Variants in DCX observed in about 807,000 individuals in gnomAD.
DCX encodes the protein doublecortin.
Under a neutral mutation model 20.9 loss-of-function variants are expected in DCX, and 4 were observed. The observed-to-expected ratio is 0.19, with a 90% confidence interval of 0.09 to 0.44. DCX has a LOEUF of 0.44. DCX is among the 20% of genes least tolerant of loss of function. DCX has a pLI of 0.99. For missense variants in DCX, 133 were observed against 296.9 expected (o/e 0.45, Z 4.06); for synonymous variants, 103 against 111.4 (o/e 0.92, Z 0.47).
intron 6 of DCX, among the ~76,000 whole-genome samples, chrX:111,309,053 C>T (rs746452977): frequency 2.7e-4 from 30 of 111,067 alleles, no homozygotes; most frequent in Non-Finnish European, 4.7e-4. Context: ...AATGGCTGTG[C>T]GATAGAAAAA....
At chrX:111,363,953 C>T (rs774218133) in intron 3 of DCX, among the ~76,000 whole-genome samples, 1 of 112,109 alleles carries the variant, frequency 8.9e-6, no homozygotes, top group Non-Finnish European at 1.9e-5. Context: ...TGCCTTACTA[C>T]ATATCAGGTT....
chrX:111,312,938 G>A (rs2095060902), intron 5 of DCX, among the ~76,000 whole-genome samples: 1 of 111,905 alleles, frequency 8.9e-6, no homozygotes, highest in African/African-American at 3.2e-5. Context: ...GGATCCCTAT[G>A]CAGTGCAAGG....
At chrX:111,391,130 CG>C (rs1926916081) in intron 3 of DCX, among the ~76,000 whole-genome samples, 1 of 110,846 alleles carries the variant, frequency 9.0e-6, no homozygotes, top group Non-Finnish European at 1.9e-5. Flanking sequence ...ATTTTGGAGG[CG>C]GGACCTGGTG....
chrX:111,307,029 T>G (rs931542983), intron 6 of DCX, among the ~76,000 whole-genome samples: 3 of 110,674 alleles, frequency 2.7e-5, no homozygotes, highest in Non-Finnish European at 5.7e-5. Context: ...CGACTGCTAA[T>G]GGGTAAGGGG....
chrX:111,333,150 T>C lies in DCX; in HGVS notation c.709A>G (p.Thr237Ala). Residue 237 changes from threonine to alanine, a missense_variant, in exon 4 of 7, where the codon ACT becomes GCT. Transcript: ENST00000636035. ...TCACCAAAGAAATCATGGAGACAAG[T>C]TACCTATGGAGAAAGCAGAAACACT... is the stretch of plus-strand genomic sequence containing the variant. ...KLYTLDGKQV[T>A]CLHDFFGDDD... 1 of 1,193,464 alleles carries C rather than the reference T, an allele frequency of 8.4e-7. No individual in the cohort carries two copies.
chrX:111,337,236 A>G (rs1476123176), intron 3 of DCX, among the ~76,000 whole-genome samples: 2 of 112,143 alleles, frequency 1.8e-5, no homozygotes, highest in African/African-American at 6.5e-5. Context: ...TGCTGACATC[A>G]GCTTCAGTAT....
At chrX:111,312,441 G>C (rs891707990) in intron 6 of DCX, among the ~76,000 whole-genome samples, 198 bp downstream of exon 6, 9 of 112,111 alleles carry the variant, frequency 8.0e-5, no homozygotes, top group African/African-American at 2.9e-4. Context: ...CAGGAAATAA[G>C]TCAGGAATTG....
chrX:111,360,145 A>G (rs752982953), intron 3 of DCX, among the ~76,000 whole-genome samples: 1 of 112,213 alleles, frequency 8.9e-6, no homozygotes, highest in South Asian at 3.7e-4. Flanking sequence ...TGTTAAAAGA[A>G]TGCAGGGGTT....
chrX:111,381,029 A>C (rs1925926712), intron 3 of DCX, among the ~76,000 whole-genome samples: 1 of 110,713 alleles, frequency 9.0e-6, no homozygotes, highest in African/African-American at 3.3e-5. Flanking sequence ...TATGACTAAA[A>C]CCCAGGTATT....
chrX:111,392,673 G>A (rs1164269784), intron 3 of DCX, among the ~76,000 whole-genome samples: 2 of 111,557 alleles, frequency 1.8e-5, no homozygotes, highest in African/African-American at 6.5e-5. Context: ...GGTAGGAGAG[G>A]TAATAAAAAT....
intron 5 of DCX, among the ~76,000 whole-genome samples, chrX:111,328,531 C>T (rs1479009294): frequency 9.0e-6 from 1 of 111,625 alleles, no homozygotes; most frequent in Non-Finnish European, 1.9e-5. Flanking sequence ...CTGATACCAC[C>T]TGAGAATTTC....
At chrX:111,309,798 C>T (rs567208904) in intron 6 of DCX, among the ~76,000 whole-genome samples, 1 of 111,786 alleles carries the variant, frequency 8.9e-6, no homozygotes, top group Admixed American at 9.5e-5. Context: ...GACATGAGAA[C>T]TTGCAACATG....
At chrX:111,361,179 C>G in intron 3 of DCX, among the ~76,000 whole-genome samples, 1 of 112,353 alleles carries the variant, frequency 8.9e-6, no homozygotes, top group Non-Finnish European at 1.9e-5. Context: ...TAACAATGGT[C>G]ACCTCCAGTG....
intron 5 of DCX, 99 bp downstream of exon 5, chrX:111,330,805 G>A: frequency 1.8e-6 from 2 of 1,116,342 alleles, no homozygotes; most frequent in Non-Finnish European, 2.5e-6. Context: ...GTTTCATGGA[G>A]ACACAGTGGT....
chrX:111,385,812 G>T (rs1400774749), intron 3 of DCX, among the ~76,000 whole-genome samples: 1 of 103,761 alleles, frequency 9.6e-6, no homozygotes, highest in African/African-American at 3.5e-5. Flanking sequence ...AAGGAAGGAA[G>T]GAAGGAAGGA....
At chrX:111,386,924 G>A (rs747908458) in intron 3 of DCX, among the ~76,000 whole-genome samples, 3 of 111,184 alleles carry the variant, frequency 2.7e-5, no homozygotes, top group East Asian at 5.7e-4. Flanking sequence ...AAAAAATGCC[G>A]ACTATTGACA....
intron 3 of DCX, among the ~76,000 whole-genome samples, chrX:111,388,378 G>A (rs1271119720): frequency 1.8e-5 from 2 of 111,898 alleles, no homozygotes; most frequent in Admixed American, 1.9e-4. Context: ...ATGCAGTGGT[G>A]CCTGTTTTCT....
At chrX:111,317,409 A>G (rs2095075176) in intron 5 of DCX, among the ~76,000 whole-genome samples, 1 of 111,209 alleles carries the variant, frequency 9.0e-6, no homozygotes, top group African/African-American at 3.3e-5. Context: ...TCCTTACACC[A>G]TATACAAAAA....
At position 111,380,364 on chromosome X, in the gene DCX, T is replaced by A. The variant is rs770929135; in HGVS notation, c.705+20626A>T. Among the ~76,000 whole-genome samples the A allele has an allele frequency of 3.6e-5, 4 of 111,981 alleles. No individual in the cohort carries two copies. In the South Asian group the frequency reaches 1.5e-3, roughly 41 times the overall value. On this transcript the variant is annotated intron_variant, in intron 3 of 6. Coordinates refer to ENST00000636035, the MANE Select transcript of DCX (RefSeq NM_001195553.2). ...TTTTATATATGCTGTGAGGTGGGGA[T>A]TTAACTTCATTCTTGTCCATGTGGA...
Sources: gnomAD v4.1 joint callset for allele counts (sites outside exome capture counted in the v4.1 genomes callset) on GRCh38, gnomAD v4.1.1 for gene constraint, MANE v1.5 for transcripts, NCBI Gene and HGNC (gene_info 2026-07-23, HGNC 2026-07-21) for gene names.